Variants in KCNH5 observed in about 807,000 individuals in gnomAD.
KCNH5 encodes voltage-gated delayed rectifier potassium channel KCNH5.
Under a neutral mutation model 96.1 loss-of-function variants are expected in KCNH5, and 46 were observed. That is an observed-to-expected ratio of 0.48 (90% CI 0.38 to 0.61). The LOEUF (loss-of-function observed/expected upper bound fraction) is 0.61. KCNH5 is among the 20% of genes least tolerant of loss of function. The pLI is 0.00. For synonymous variants in KCNH5, 439 were observed against 449.8 expected, an observed-to-expected ratio of 0.98 and a Z score of 0.30; for missense variants, 907 against 1,225.8, an observed-to-expected ratio of 0.74 and a Z score of 3.88.
intron 7 of KCNH5, among the ~76,000 whole-genome samples, chr14:62,939,282 A>G (rs985742668): frequency 6.6e-6 from 1 of 152,042 alleles, no homozygotes; most frequent in East Asian, 1.9e-4. Flanking sequence ...TTCTCTTCTC[A>G]GCCCCTCTGT....
chr14:62,786,061 G>A (rs1345341734), intron 9 of KCNH5, among the ~76,000 whole-genome samples: 1 of 152,024 alleles, frequency 6.6e-6, no homozygotes, highest in Non-Finnish European at 1.5e-5. Flanking sequence ...CACAGTGGCG[G>A]GCGCCTGTAA....
rs181926050 is a variant in KCNH5 at position 62,813,501 on chromosome 14, T to C, written c.1570-10920A>G. ...CTTTTACTGCTCTAAGTTATTGTAT[T>C]GATTATCTATAAAATCCTTCTTCAG... On this transcript the variant is annotated intron_variant, in intron 8 of 10. Coordinates refer to ENST00000322893, the MANE Select transcript of KCNH5 (RefSeq NM_139318.5). 2.8e-4 allele frequency among the ~76,000 whole-genome samples: 43 copies of C among 152,316 alleles called. 1 individual carries two copies. Among genetic ancestry groups the C allele is most frequent in the Admixed American group, 2.8e-3 (43 of 15,274 alleles).
At position 62,777,962 on chromosome 14, in the gene KCNH5, A is replaced by T. The variant is rs139350873; in HGVS notation, c.2019+1766T>A. On this transcript the variant is annotated intron_variant, in intron 10 of 10. Transcript: ENST00000322893. ...TGGCCCCTTGCATTGCAAATGTGTC[A>T]CTTGGTTGTTTGATATTAATCCCTC... Among the ~76,000 whole-genome samples, 499 of 152,162 alleles carry T rather than the reference A, an allele frequency of 3.3e-3. 1 individual carries two copies. Among genetic ancestry groups the T allele is most frequent in the African/African-American group, 0.012 (488 of 41,514 alleles).
chr14:62,924,683 G>T (rs1889440249), intron 7 of KCNH5, among the ~76,000 whole-genome samples: 1 of 151,866 alleles, frequency 6.6e-6, no homozygotes. Flanking sequence ...GATGAACCTG[G>T]AGGACATTAT....
At chr14:62,942,195 T>A (rs576455648) in intron 7 of KCNH5, among the ~76,000 whole-genome samples, 3 of 152,240 alleles carry the variant, frequency 2.0e-5, no homozygotes, top group Admixed American at 2.0e-4. Context: ...CTCCATGCCA[T>A]GGACAGGGGC....
chr14:62,845,684 T>C (rs1887677192), intron 8 of KCNH5, among the ~76,000 whole-genome samples: 1 of 152,168 alleles, frequency 6.6e-6, no homozygotes, highest in Admixed American at 6.5e-5. Context: ...GAGGTTTAAA[T>C]GTGGGAGATT....
chr14:63,000,337 G>A (rs1326441238), intron 4 of KCNH5, among the ~76,000 whole-genome samples: 1 of 152,094 alleles, frequency 6.6e-6, no homozygotes, highest in Non-Finnish European at 1.5e-5. Flanking sequence ...CTACTTCTAA[G>A]GTTATTTGAA....
At chr14:62,781,883 G>A (rs553103923) in intron 9 of KCNH5, among the ~76,000 whole-genome samples, 8 of 152,182 alleles carry the variant, frequency 5.3e-5, no homozygotes, top group Non-Finnish European at 1.2e-4. Flanking sequence ...TTAAAGACAG[G>A]CATAGGAAAT....
At chr14:62,976,186 G>A (rs1890495524) in intron 6 of KCNH5, among the ~76,000 whole-genome samples, 2 of 151,712 alleles carry the variant, frequency 1.3e-5, no homozygotes, top group South Asian at 2.1e-4. Context: ...GGATCATGAG[G>A]TCAAGAGATC....
intron 8 of KCNH5, among the ~76,000 whole-genome samples, chr14:62,832,564 G>C (rs1205651302): frequency 6.6e-6 from 1 of 152,100 alleles, no homozygotes; most frequent in Non-Finnish European, 1.5e-5. Flanking sequence ...ATACTAAAAT[G>C]ATCATGGAAA....
At chr14:62,770,387 C>A (rs948836767) in intron 10 of KCNH5, among the ~76,000 whole-genome samples, 1 of 152,172 alleles carries the variant, frequency 6.6e-6, no homozygotes, top group Non-Finnish European at 1.5e-5. Context: ...GAGTTCTGAG[C>A]CTGTGCTAAT....
At chr14:62,805,457 C>T (rs1886747631) in intron 8 of KCNH5, among the ~76,000 whole-genome samples, 1 of 152,190 alleles carries the variant, frequency 6.6e-6, no homozygotes, top group Admixed American at 6.6e-5. Flanking sequence ...ACCAAAGTCA[C>T]ACCCACTGGC....
intron 8 of KCNH5, among the ~76,000 whole-genome samples, chr14:62,813,025 T>C (rs1200090575): frequency 1.3e-5 from 2 of 152,150 alleles, no homozygotes; most frequent in Admixed American, 6.6e-5. Flanking sequence ...TAAATCAAGT[T>C]ACAACAAATA....
chr14:62,756,678 T>C (rs1372814510), intron 10 of KCNH5, among the ~76,000 whole-genome samples: 1 of 152,124 alleles, frequency 6.6e-6, no homozygotes, highest in East Asian at 1.9e-4. Context: ...GTTACAAAGA[T>C]GCCAAGAACA....
At chr14:62,853,583 A>G (rs574218493) in intron 7 of KCNH5, among the ~76,000 whole-genome samples, 110 of 150,162 alleles carry the variant, frequency 7.3e-4, no homozygotes, top group African/African-American at 2.7e-3. Flanking sequence ...TTCAGTATAC[A>G]TCTTCTTGAT....
At chr14:62,839,360 A>T (rs1887528927) in intron 8 of KCNH5, among the ~76,000 whole-genome samples, 1 of 152,166 alleles carries the variant, frequency 6.6e-6, no homozygotes, top group Admixed American at 6.5e-5. Context: ...ATATTCTAAC[A>T]TTTATTTATC....
intron 9 of KCNH5, among the ~76,000 whole-genome samples, chr14:62,786,971 A>G (rs1200141204): frequency 6.6e-6 from 1 of 152,110 alleles, no homozygotes; most frequent in Non-Finnish European, 1.5e-5. Flanking sequence ...ACACAATAAT[A>G]TCGAAATTAG....
Position 62,728,740 on chromosome 14 carries a change from A to T in KCNH5, c.2020-20285T>A, listed in dbSNP as rs75252453. Among the ~76,000 whole-genome samples the T allele has an allele frequency of 7.2e-5, 11 of 152,318 alleles. No individual in the cohort carries two copies. In the East Asian group the frequency reaches 2.1e-3, roughly 29 times the overall value. On this transcript the variant is annotated intron_variant, in intron 10 of 10. Transcript: ENST00000322893. ...TAAAAGGGGATACTAACTGGGCCTT[A>T]TATGATGGTTGCTGGATCTGAAGAA...
chr14:62,857,409 TAGTC>T (rs1318755809), intron 7 of KCNH5, among the ~76,000 whole-genome samples: 1 of 152,200 alleles, frequency 6.6e-6, no homozygotes, highest in Non-Finnish European at 1.5e-5. Flanking sequence ...CTAAGTGTAT[TAGTC>T]AGTGTTCTTT....
Sources: gnomAD v4.1 joint callset for allele counts (sites outside exome capture counted in the v4.1 genomes callset) on GRCh38, gnomAD v4.1.1 for gene constraint, MANE v1.5 for transcripts, NCBI Gene and HGNC (gene_info 2026-07-23, HGNC 2026-07-21) for gene names.